The following CDC42SE2 variants were observed in gnomAD, a reference collection of about 807,000 sequenced individuals.
CDC42SE2 encodes the protein CDC42 small effector protein 2.
Under a neutral mutation model 11.5 loss-of-function variants are expected in CDC42SE2, and 3 were observed. The observed-to-expected ratio is 0.26, with a 90% CI of 0.12 to 0.67. CDC42SE2 has a LOEUF of 0.67. CDC42SE2 is among the 30% of genes least tolerant of loss of function. The pLI, the probability that CDC42SE2 is intolerant of heterozygous loss-of-function variation, is 0.80. For missense variants in CDC42SE2, 82 were observed against 106.8 expected (o/e 0.77, Z 1.02); for synonymous variants, 33 against 34.8 (o/e 0.95, Z 0.18).
intron 2 of CDC42SE2, among the ~76,000 whole-genome samples, chr5:131,327,149 T>C (rs927151047): frequency 5.9e-5 from 9 of 152,236 alleles, no homozygotes; most frequent in East Asian, 1.9e-4. Context: ...CTGCTTTTCA[T>C]TGGGTAAGTT....
intron 2 of CDC42SE2, among the ~76,000 whole-genome samples, chr5:131,353,545 G>A (rs1749421781): frequency 6.6e-6 from 1 of 152,120 alleles, no homozygotes; most frequent in Non-Finnish European, 1.5e-5. Flanking sequence ...GCCTCCCAAA[G>A]TGCTAGGATT....
intron 1 of CDC42SE2, among the ~76,000 whole-genome samples, chr5:131,251,977 T>A (rs373486332): frequency 6.6e-6 from 1 of 151,266 alleles, no homozygotes; most frequent in Admixed American, 6.6e-5. Context: ...ATTGTGCCAC[T>A]GCACTACAGC....
intron 2 of CDC42SE2, among the ~76,000 whole-genome samples, chr5:131,332,213 C>T (rs10043616): frequency 0.049 from 7,186 of 145,416 alleles, 470 homozygotes; most frequent in African/African-American, 0.15. Flanking sequence ...TGAGAACATG[C>T]GGTGTTTGGT....
intron 1 of CDC42SE2, among the ~76,000 whole-genome samples, chr5:131,278,849 G>A (rs547032842): frequency 7.7e-6 from 1 of 129,768 alleles, no homozygotes; most frequent in African/African-American, 3.0e-5. Context: ...CAGTGGCTTG[G>A]TCTTGGCTCA....
exon 1 of CDC42SE2, chr5:131,245,519 T>TG (rs1176880653): frequency 6.6e-6 from 1 of 152,214 alleles, no homozygotes; most frequent in African/African-American, 2.4e-5. Flanking sequence ...TGCTGTCCCC[T>TG]GGTCTAGTTA....
At chr5:131,289,960 A>T (rs888391923) in intron 1 of CDC42SE2, among the ~76,000 whole-genome samples, 1 of 151,928 alleles carries the variant, frequency 6.6e-6, no homozygotes, top group Non-Finnish European at 1.5e-5. Context: ...CTTTTGCCTC[A>T]GCCTTTTGAG....
intron 1 of CDC42SE2, among the ~76,000 whole-genome samples, chr5:131,292,977 T>G (rs1313193875): frequency 6.6e-6 from 1 of 151,184 alleles, no homozygotes; most frequent in Non-Finnish European, 1.5e-5. Context: ...AGTTGTTCAT[T>G]TGAATGTTGA....
At chr5:131,237,364 T>C in the CDC42SE2 span, among the ~76,000 whole-genome samples, 1 of 152,234 alleles carries the variant, frequency 6.6e-6, no homozygotes, top group African/African-American at 2.4e-5. Context: ...ATAATTATTC[T>C]TTGTTTTCTG....
intron 2 of CDC42SE2, among the ~76,000 whole-genome samples, chr5:131,317,504 T>G (rs1436954268): frequency 1.3e-5 from 2 of 152,176 alleles, no homozygotes; most frequent in Middle Eastern, 6.8e-3. Flanking sequence ...ACTCTGTTCT[T>G]AGGACTGTGT....
chr5:131,391,809 AG>A lies in CDC42SE2; in HGVS notation c.*719del, dbSNP rs1279614626. The stretch of plus-strand genomic sequence containing the variant: ...CCCTGAAAATGTAGAAATAATTTCA[AG>A]TTTTTTTTTGTTTTATAGGGTTATT... On this transcript the variant is annotated 3_prime_UTR_variant, in exon 5 of 5. Transcript: ENST00000505065. 2.0e-5 allele frequency: 3 copies of A among 151,004 alleles called. No individual in the cohort carries two copies. The highest frequency in any genetic ancestry group is 7.5e-5 in the African/African-American group (3 of 40,236). The allele number at this position is 151,004 out of a possible 1,614,324, so 9.4% of individuals were successfully genotyped here. A position where few individuals can be genotyped will look rare whatever the true frequency, so the allele number is the denominator to read the frequency against.
intron 1 of CDC42SE2, chr5:131,253,084 A>G (rs1375949857): frequency 6.6e-6 from 1 of 152,248 alleles, no homozygotes; most frequent in Non-Finnish European, 1.5e-5. Flanking sequence ...CAGAGTCTGC[A>G]TGTGGCTGCA....
At position 131,344,415 on chromosome 5, in the gene CDC42SE2, CTG is replaced by C. The variant is rs570321550; in HGVS notation, c.-285-14793_-285-14792del. Among the ~76,000 whole-genome samples, 928 of 152,316 alleles carry C rather than the reference CTG, an allele frequency of 6.1e-3. 9 individuals carry two copies. Among genetic ancestry groups the C allele is most frequent in the Non-Finnish European group, 1.0e-2 (677 of 68,020 alleles). On this transcript the variant is annotated intron_variant, in intron 2 of 4. Transcript: ENST00000505065. Reference sequence around the variant, plus strand: ...CCTCGCTCACTGCTAGAACAGCAGTCTGAGATCGAACTGCAAGGTGGCAGCAA... The same window carrying C: ...CCTCGCTCACTGCTAGAACAGCAGTCAGATCGAACTGCAAGGTGGCAGCAA...
chr5:131,299,052 G>A (rs930681202), intron 1 of CDC42SE2, among the ~76,000 whole-genome samples: 16 of 152,150 alleles, frequency 1.1e-4, no homozygotes, highest in African/African-American at 3.9e-4. Flanking sequence ...GTGATGTCCT[G>A]TAGGCAACAG....
intron 2 of CDC42SE2, among the ~76,000 whole-genome samples, chr5:131,331,036 A>C (rs975861358): frequency 6.6e-6 from 1 of 152,056 alleles, no homozygotes; most frequent in Admixed American, 6.6e-5. Context: ...AAAAAAAATA[A>C]AATTATCTAA....
intron 4 of CDC42SE2, among the ~76,000 whole-genome samples, chr5:131,387,368 G>A (rs1394286088): frequency 1.3e-5 from 2 of 152,110 alleles, no homozygotes; most frequent in Non-Finnish European, 2.9e-5. Context: ...GAGCAATGTA[G>A]TGAAACCCTG....
chr5:131,321,253 A>G (rs1758180620), intron 2 of CDC42SE2, among the ~76,000 whole-genome samples: 5 of 152,234 alleles, frequency 3.3e-5, no homozygotes, highest in Admixed American at 6.5e-5. Flanking sequence ...TAGTTTTTGC[A>G]GTACTGTAAT....
intron 1 of CDC42SE2, among the ~76,000 whole-genome samples, chr5:131,267,903 A>G (rs1454796085): frequency 6.6e-6 from 1 of 151,890 alleles, no homozygotes; most frequent in Non-Finnish European, 1.5e-5. Flanking sequence ...GATCTGCTGT[A>G]TTGTTCTTAT....
chr5:131,260,266 T>C (rs1470006043), upstream of CDC42SE2, among the ~76,000 whole-genome samples: 1 of 152,220 alleles, frequency 6.6e-6, no homozygotes, highest in African/African-American at 2.4e-5. Flanking sequence ...TCTGACTCCG[T>C]ACACCATGTC....
intron 1 of CDC42SE2, among the ~76,000 whole-genome samples, chr5:131,312,551 T>C (rs534792588): frequency 6.6e-6 from 1 of 152,318 alleles, no homozygotes. Flanking sequence ...GGCTGCTGCC[T>C]TGCAGTTTGA....
Sources: allele counts gnomAD v4.1 joint callset (sites outside exome capture counted in the v4.1 genomes callset), GRCh38; gene constraint gnomAD v4.1.1; transcripts MANE v1.5; gene names NCBI Gene and HGNC (gene_info 2026-07-23, HGNC 2026-07-21).